TAFA1: variants seen among roughly 807,000 people sequenced by gnomAD.
TAFA1 encodes TAFA chemokine like family member 1.
In TAFA1, 4 loss-of-function variants were observed where a neutral mutation model predicts 18.5. That is an observed-to-expected ratio of 0.22 (90% CI 0.11 to 0.49). TAFA1 has a LOEUF of 0.49. Among genes scored for constraint, TAFA1 ranks in the 20% least tolerant of loss-of-function variants. TAFA1 has a pLI of 0.98. For synonymous variants in TAFA1, 56 were observed against 55.2 expected, an observed-to-expected ratio of 1.01 and a Z score of -0.06; for missense variants, 147 against 169.0, an observed-to-expected ratio of 0.87 and a Z score of 0.72.
chr3:68,241,255 A>C (rs2066995450), intron 2 of TAFA1, among the ~76,000 whole-genome samples: 1 of 152,170 alleles, frequency 6.6e-6, no homozygotes, highest in African/African-American at 2.4e-5. Flanking sequence ...AGGAGTATAA[A>C]ATGAATAAAG....
intron 1 of TAFA1, among the ~76,000 whole-genome samples, chr3:68,005,154 C>A (rs1307774868): frequency 6.6e-6 from 1 of 151,908 alleles, no homozygotes; most frequent in Non-Finnish European, 1.5e-5. Context: ...GAAAAAGTCC[C>A]CAAATACATT....
the TAFA1 span, among the ~76,000 whole-genome samples, chr3:67,994,016 G>A: frequency 6.6e-6 from 1 of 152,024 alleles, no homozygotes; most frequent in Non-Finnish European, 1.5e-5. Flanking sequence ...TTCTTGGTTG[G>A]GGGTGAGCTG....
At chr3:68,300,614 G>T (rs1490611877) in intron 2 of TAFA1, among the ~76,000 whole-genome samples, 1 of 152,038 alleles carries the variant, frequency 6.6e-6, no homozygotes, top group Non-Finnish European at 1.5e-5. Context: ...CATGAGATTT[G>T]GGAGGGGCCA....
chr3:68,110,816 C>T (rs1403008181), intron 2 of TAFA1, among the ~76,000 whole-genome samples: 1 of 151,722 alleles, frequency 6.6e-6, no homozygotes, highest in Non-Finnish European at 1.5e-5. Flanking sequence ...GCTCATAGTG[C>T]TTGGAAAATG....
chr3:68,107,258 C>T (rs2065214420), intron 2 of TAFA1, among the ~76,000 whole-genome samples: 1 of 152,018 alleles, frequency 6.6e-6, no homozygotes, highest in Non-Finnish European at 1.5e-5. Context: ...TAAATGTCTA[C>T]CAGTAAAGTA....
chr3:68,227,090 A>G (rs1394205551), intron 2 of TAFA1, among the ~76,000 whole-genome samples: 2 of 152,212 alleles, frequency 1.3e-5, no homozygotes, highest in African/African-American at 4.8e-5. Context: ...CTGAAAGCCA[A>G]GAGTCAAGCA....
intron 3 of TAFA1, among the ~76,000 whole-genome samples, chr3:68,518,365 T>C (rs1311924482): frequency 6.6e-6 from 1 of 152,208 alleles, no homozygotes; most frequent in African/African-American, 2.4e-5. Flanking sequence ...AAAGTATTAT[T>C]TATTTTGTCA....
chr3:68,004,370 A>G lies in TAFA1; in HGVS notation c.-336A>G, dbSNP rs1704321793. On this transcript the variant is annotated 5_prime_UTR_variant, in exon 1 of 5. Coordinates refer to ENST00000478136, the MANE Select transcript of TAFA1 (RefSeq NM_213609.4). The stretch of plus-strand genomic sequence containing the variant: ...AACTATAAACTGATTCTCATCAGGA[A>G]ACTGCACATTATCTCCCCATCACTT... 3 of 152,174 alleles carry G rather than the reference A, an allele frequency of 2.0e-5. No individual in the cohort carries two copies. In the South Asian group the frequency reaches 6.2e-4, roughly 32 times the overall value. 9.4% of individuals were successfully genotyped at this position (152,174 alleles called of 1,614,324 possible). A position where few individuals can be genotyped will look rare whatever the true frequency, so the allele number is the denominator to read the frequency against.
At chr3:68,034,400 C>G (rs1414344275) in intron 2 of TAFA1, among the ~76,000 whole-genome samples, 1 of 152,172 alleles carries the variant, frequency 6.6e-6, no homozygotes, top group African/African-American at 2.4e-5. Context: ...CCATTACTAA[C>G]TTCATTTTAC....
At chr3:68,439,737 T>G (rs148927981) in intron 3 of TAFA1, among the ~76,000 whole-genome samples, 1 of 151,984 alleles carries the variant, frequency 6.6e-6, no homozygotes, top group African/African-American at 2.4e-5. Context: ...ACTCAAATGT[T>G]AATCTCCTTT....
chr3:68,356,757 TG>T (rs753787757), intron 2 of TAFA1, among the ~76,000 whole-genome samples: 2 of 151,958 alleles, frequency 1.3e-5, no homozygotes, highest in Non-Finnish European at 2.9e-5. Context: ...TTGATATATA[TG>T]GAATATTACA....
Position 68,122,806 on chromosome 3 carries a change from A to G in TAFA1, c.118+116062A>G, listed in dbSNP as rs146698350. Among the ~76,000 whole-genome samples the G allele has an allele frequency of 1.5e-4, 22 of 150,854 alleles. No individual in the cohort carries two copies. In the East Asian group the frequency reaches 4.3e-3, roughly 29 times the overall value. The stretch of plus-strand genomic sequence containing the variant: ...CATTTCTGTATATGTGTGTATATAT[A>G]TATGTGTGTGTGTGTATGTGTGTGT... On this transcript the variant is annotated intron_variant, in intron 2 of 4. Coordinates refer to ENST00000478136, the MANE Select transcript of TAFA1 (RefSeq NM_213609.4).
chr3:68,118,263 A>G (rs1049545935), intron 2 of TAFA1, among the ~76,000 whole-genome samples: 4 of 152,204 alleles, frequency 2.6e-5, no homozygotes, highest in African/African-American at 9.6e-5. Flanking sequence ...CAAGGAGCAC[A>G]CAACCTAGAT....
chr3:67,999,380 T>C (rs1051305970), upstream of TAFA1, among the ~76,000 whole-genome samples: 4 of 151,878 alleles, frequency 2.6e-5, no homozygotes, highest in Non-Finnish European at 5.9e-5. Context: ...TATTCTAACA[T>C]CATCTATGCT....
At chr3:68,019,462 A>C (rs1460340688) in intron 2 of TAFA1, among the ~76,000 whole-genome samples, 1 of 150,986 alleles carries the variant, frequency 6.6e-6, no homozygotes, top group Non-Finnish European at 1.5e-5. Context: ...TTTACTTAAA[A>C]TGAAGTTATA....
chr3:68,187,823 CT>C, intron 2 of TAFA1, among the ~76,000 whole-genome samples: 1 of 152,034 alleles, frequency 6.6e-6, no homozygotes, highest in Non-Finnish European at 1.5e-5. Flanking sequence ...CTTGCCAGTG[CT>C]TGGTTCTGTC....
At chr3:68,315,250 T>A (rs72626965) in intron 2 of TAFA1, among the ~76,000 whole-genome samples, 3,933 of 152,278 alleles carry the variant, frequency 0.026, 90 homozygotes, top group East Asian at 0.098. Context: ...TTTCCAATTA[T>A]ATCAATTCCA....
At chr3:68,022,495 T>G (rs1704712729) in intron 2 of TAFA1, among the ~76,000 whole-genome samples, 2 of 152,024 alleles carry the variant, frequency 1.3e-5, no homozygotes, top group African/African-American at 4.8e-5. Flanking sequence ...GGGGGAAGGG[T>G]CTAAGACACA....
intron 2 of TAFA1, among the ~76,000 whole-genome samples, chr3:68,257,416 A>G (rs1027789722): frequency 1.6e-4 from 24 of 151,620 alleles, no homozygotes; most frequent in Admixed American, 1.5e-3. Context: ...TTAACTTTAT[A>G]AAGCCATGGA....
Sources: allele counts gnomAD v4.1 joint callset (sites outside exome capture counted in the v4.1 genomes callset), GRCh38; gene constraint gnomAD v4.1.1; transcripts MANE v1.5; gene names NCBI Gene and HGNC (gene_info 2026-07-23, HGNC 2026-07-21).